The following LRRK1 variants were observed in gnomAD, a reference collection of about 807,000 sequenced individuals.
LRRK1 encodes leucine-rich repeat serine/threonine-protein kinase 1.
Under a neutral mutation model 209.1 loss-of-function variants are expected in LRRK1, and 113 were observed. The ratio of observed to expected loss-of-function variants is 0.54; its 90% confidence interval spans 0.46 to 0.63. The LOEUF (loss-of-function observed/expected upper bound fraction) is 0.63, where lower values mean the gene tolerates loss of function less well. Ranked by LOEUF, LRRK1 falls within the 30% of genes least tolerant of loss-of-function variation. The pLI, the probability that LRRK1 is intolerant of heterozygous loss-of-function variation, is 0.00. For synonymous variants in LRRK1, 1,144 were observed against 1,099.7 expected (o/e 1.04, Z -0.80); for missense variants, 2,284 against 2,632.2 (o/e 0.87, Z 2.89).
chr15:100,962,824 T>TACATATATATATATATACATATA (rs1555461505), intron 2 of LRRK1, among the ~76,000 whole-genome samples: 9 of 8,426 alleles, frequency 1.1e-3, no homozygotes, highest in Non-Finnish European at 1.7e-3. Context: ...TATATATATA[T>TACATATATATATATATACATATA]TTTTTTTTTT....
intron 31 of LRRK1, among the ~76,000 whole-genome samples, chr15:101,063,324 ACC>A (rs2141158559): frequency 6.6e-6 from 1 of 151,858 alleles, no homozygotes; most frequent in East Asian, 1.9e-4. Context: ...TGGGCCCGGC[ACC>A]CTCCCCACAA....
intron 9 of LRRK1, among the ~76,000 whole-genome samples, 159 bp from the exon 10 acceptor site, chr15:101,011,849 G>T (rs905253559): frequency 1.3e-5 from 2 of 152,194 alleles, no homozygotes; most frequent in Non-Finnish European, 2.9e-5. Context: ...GACAAGGACA[G>T]TGAGGGTGTG....
chr15:100,963,558 C>T (rs4965744), intron 2 of LRRK1, among the ~76,000 whole-genome samples: 107,045 of 152,144 alleles, frequency 0.7, 38,000 homozygotes, highest in Middle Eastern at 0.76. Context: ...ACTCCCTAAT[C>T]CTTGGCCTGG....
chr15:100,926,680 CTTTTTTTTTT>C (rs71151990), intron 2 of LRRK1, among the ~76,000 whole-genome samples: 6 of 81,846 alleles, frequency 7.3e-5, no homozygotes, highest in African/African-American at 2.7e-4. Context: ...TTCTTTTTTT[CTTTTTTTTTT>C]TTTTTTTTTT....
chr15:101,039,143 T>C (rs2034627840), intron 20 of LRRK1, among the ~76,000 whole-genome samples: 1 of 152,254 alleles, frequency 6.6e-6, no homozygotes, highest in South Asian at 2.1e-4. Context: ...TCAGCTTGTC[T>C]GATTCTTAAA....
At chr15:101,038,900 C>A (rs746415525) in intron 20 of LRRK1, among the ~76,000 whole-genome samples, 1 of 152,198 alleles carries the variant, frequency 6.6e-6, no homozygotes, top group Non-Finnish European at 1.5e-5. Context: ...TGTGGCTGCA[C>A]TTAAGGTCCA....
chr15:100,993,762 C>T (rs1263703228), intron 6 of LRRK1, among the ~76,000 whole-genome samples: 1 of 152,156 alleles, frequency 6.6e-6, no homozygotes, highest in African/African-American at 2.4e-5. Flanking sequence ...TATTTGTGTA[C>T]AACCTGTCCT....
intron 10 of LRRK1, 86 bp from the exon 11 acceptor site, chr15:101,014,230 T>C (rs1200737087): frequency 8.4e-6 from 8 of 948,876 alleles, no homozygotes; most frequent in Non-Finnish European, 1.3e-5. Context: ...CTGCGCGTGG[T>C]TGGGAACTGA....
In LRRK1 at chr15:101,062,625, C is replaced by T. The variant is rs767370051; in HGVS notation, c.4849C>T (p.Pro1617Ser). Residue 1617 changes from proline (P) to serine (S), a missense_variant, in exon 31 of 34, where the codon CCC becomes TCC. Physicochemically the swap from Pro to Ser is moderately conservative, Grantham distance 74 (BLOSUM62 -1). Coordinates refer to ENST00000388948, the MANE Select transcript of LRRK1 (RefSeq NM_024652.6). Reference protein sequence around the residue: ...TLKGMCPLNTPQQALDTPAVV... With the variant: ...TLKGMCPLNTSQQALDTPAVV... ...CAAGGGCATGTGCCCCTTAAACACA[C>T]CCCAACAGGCCTTGGATACTCCAGC... 12 of 1,614,206 alleles carry T rather than the reference C, an allele frequency of 7.4e-6. No individual in the cohort carries two copies. Among genetic ancestry groups the T allele is most frequent in the East Asian group, 2.2e-5 (1 of 44,890 alleles).
intron 24 of LRRK1, among the ~76,000 whole-genome samples, chr15:101,052,518 A>G (rs2035521212): frequency 6.6e-6 from 1 of 152,144 alleles, no homozygotes; most frequent in Admixed American, 6.5e-5. Context: ...GACCCCTCAA[A>G]TCTGTTCTTA....
chr15:100,938,267 C>T (rs2042338329), intron 2 of LRRK1, among the ~76,000 whole-genome samples: 1 of 144,294 alleles, frequency 6.9e-6, no homozygotes, highest in Non-Finnish European at 1.5e-5. Context: ...AATTATCACA[C>T]ATGGGCAATC....
chr15:100,928,142 T>C (rs1203361229), intron 2 of LRRK1, among the ~76,000 whole-genome samples: 2 of 152,246 alleles, frequency 1.3e-5, no homozygotes, highest in Non-Finnish European at 2.9e-5. Context: ...CGAATAATAT[T>C]GCAAGTTATT....
chr15:100,972,224 A>G (rs2030931595), intron 2 of LRRK1, among the ~76,000 whole-genome samples: 1 of 151,984 alleles, frequency 6.6e-6, no homozygotes, highest in Admixed American at 6.6e-5. Flanking sequence ...CGGACTCCCA[A>G]AGTGCTGGGA....
intron 6 of LRRK1, among the ~76,000 whole-genome samples, chr15:100,994,579 G>A (rs576592982): frequency 1.3e-5 from 2 of 152,214 alleles, no homozygotes; most frequent in African/African-American, 4.8e-5. Flanking sequence ...TGGAGGAAGC[G>A]ATTACTGCAT....
At chr15:100,970,463 G>T (rs530060462) in intron 2 of LRRK1, among the ~76,000 whole-genome samples, 1 of 152,280 alleles carries the variant, frequency 6.6e-6, no homozygotes, top group South Asian at 2.1e-4. Context: ...ACAAGCACAG[G>T]TCTATTTTTC....
At chr15:101,002,506 A>T (rs1274332231) in intron 6 of LRRK1, among the ~76,000 whole-genome samples, 1 of 152,230 alleles carries the variant, frequency 6.6e-6, no homozygotes, top group Non-Finnish European at 1.5e-5. Flanking sequence ...GGGTGGGTGG[A>T]GCTTAACCAC....
chr15:101,046,094 G>A lies in LRRK1; in HGVS notation c.3077G>A (p.Gly1026Asp). 1 of 1,614,232 alleles carries A rather than the reference G, an allele frequency of 6.2e-7. No homozygotes were observed. Among genetic ancestry groups the A allele is most frequent in the Non-Finnish European group, 8.5e-7 (1 of 1,180,050 alleles). Residue 1026 changes from glycine to aspartate, a missense_variant, in exon 21 of 34, where the codon GGC becomes GAC. By Grantham distance (94) the Gly-to-Asp change is moderately conservative. Coordinates refer to ENST00000388948, the MANE Select transcript of LRRK1 (RefSeq NM_024652.6). ...TTTAAGATGAGCTTCGTTCCCGTTGGCTTCTGGCAAAGGTTTATAGCACGG... is the reference window on the plus strand; with the variant it reads ...TTTAAGATGAGCTTCGTTCCCGTTGACTTCTGGCAAAGGTTTATAGCACGG... ...RVFKMSFVPV[G>D]FWQRFIARML...
intron 29 of LRRK1, among the ~76,000 whole-genome samples, chr15:101,060,305 ATTC>A (rs2036086372): frequency 6.6e-6 from 1 of 152,176 alleles, no homozygotes; most frequent in Admixed American, 6.6e-5. Context: ...AGGGGCAATT[ATTC>A]TTTATGACTC....
At position 101,051,907 on chromosome 15, in the gene LRRK1, C is replaced by T. The variant is rs747283312; in HGVS notation, c.3636C>T (p.Pro1212=). The T allele has an allele frequency of 2.0e-5, 33 of 1,614,034 alleles. No homozygotes were observed. The highest frequency in any genetic ancestry group is 6.7e-5 in the Admixed American group (4 of 60,032). Reference sequence around the variant, plus strand: ...CCTGCCCCAGACACCCGGACCTCCCCGTGCCGCTGCAGGAGCTGGTCCCTG... The same window carrying T: ...CCTGCCCCAGACACCCGGACCTCCCTGTGCCGCTGCAGGAGCTGGTCCCTG... The part of the protein sequence containing the change: ...FISCPRHPDL[P]VPLQELVPEL... Residue 1212 remains proline, a synonymous_variant, in exon 24 of 34, where the codon CCC becomes CCT. Transcript: ENST00000388948.
Sources: gnomAD v4.1 joint callset for allele counts (sites outside exome capture counted in the v4.1 genomes callset) on GRCh38, gnomAD v4.1.1 for gene constraint, MANE v1.5 for transcripts, NCBI Gene and HGNC (gene_info 2026-07-23, HGNC 2026-07-21) for gene names.